Variants in BEGAIN observed in about 807,000 individuals in gnomAD.
The protein encoded by BEGAIN is brain enriched guanylate kinase associated, also known as brain-enriched guanylate kinase-associated protein.
BEGAIN carries 19 observed loss-of-function variants against 35.8 expected under a neutral mutation model. The observed-to-expected ratio is 0.53, with a 90% confidence interval of 0.37 to 0.78. BEGAIN has a LOEUF of 0.78. Ranked by LOEUF, BEGAIN falls within the 30% of genes least tolerant of loss-of-function variation. The pLI is 0.00. For synonymous variants in BEGAIN, 462 were observed against 388.6 expected (o/e 1.19, Z -2.22); for missense variants, 795 against 853.6 (o/e 0.93, Z 0.85).
Position 100,568,890 on chromosome 14 carries a change from G to T in BEGAIN, c.43-951C>A, listed in dbSNP as rs575245517. On this transcript the variant is annotated intron_variant, in intron 1 of 6. Transcript: ENST00000554140. The surrounding 1 kb of genome is among the most constrained non-coding windows in gnomAD (Gnocchi z 7.5). ...ACAGGGGTCCGAGCTCAGGGACCAC[G>T]CGACAGACCTGGGAAGACTGATGAC... The T allele has an allele frequency of 2.0e-6, 2 of 985,162 alleles. No individual in the cohort carries two copies. Among genetic ancestry groups the T allele is most frequent in the African/African-American group, 3.5e-5 (2 of 57,150 alleles). 61.0% of individuals were successfully genotyped at this position (985,162 alleles called of 1,614,324 possible).
In BEGAIN at chr14:100,539,225, C is replaced by T. The variant is rs35286207; in HGVS notation, c.583G>A (p.Asp195Asn). 5.9e-3 allele frequency: 9,307 copies of T among 1,586,650 alleles called. 37 individuals carry two copies. Among genetic ancestry groups the T allele is most frequent in the Non-Finnish European group, 7.0e-3 (8,185 of 1,165,772 alleles). ...PSPLCHPAYA[D>N]SVPTCVIAKV... ...GCAATGACGCAGGTGGGGACGCTGT[C>T]GGCGTAGGCCGGGTGGCAGAGCGGG... The change falls in exon 7 of 7, where the codon GAC becomes AAC. Residue 195 changes from aspartate (D) to asparagine (N), a missense_variant. Asp to Asn is a conservative substitution (Grantham distance 23). Around this residue, in one of 3 missense-constraint regions of BEGAIN, gnomAD observed 664 missense variants for 647.7 expected, o/e 1.03. Coordinates refer to ENST00000554140, the MANE Select transcript of BEGAIN (RefSeq NM_001385089.1).
chr14:100,538,539 C>T lies in BEGAIN; in HGVS notation c.1269G>A (p.Pro423=), dbSNP rs755831125. The T allele has an allele frequency of 5.3e-6, 8 of 1,511,608 alleles. No homozygotes were observed. In the Admixed American group the frequency reaches 7.0e-5, roughly 13 times the overall value. The allele number at this position is 1,511,608 out of a possible 1,614,324, so 93.6% of individuals were successfully genotyped here. The change falls in exon 7 of 7, where the codon CCG becomes CCA. Residue 423 remains proline, a synonymous_variant. Transcript: ENST00000554140. Reference sequence around the variant, plus strand: ...CCTCCCCGGGGAGCCGGGCGGTCCCCGGCTTGGCCCGCAGGCTCCACAGGT... The same window carrying T: ...CCTCCCCGGGGAGCCGGGCGGTCCCTGGCTTGGCCCGCAGGCTCCACAGGT... ...PPNLWSLRAK[P]GTARLPGEDM...
Position 100,568,311 on chromosome 14 carries a change from C to A in BEGAIN, c.43-372G>T. ...CGGCGGCCGCGGCCCCGCTGCTCCC[C>A]CCGCCCCGCCCGTTAACCCTTCCTG... On this transcript the variant is annotated intron_variant, in intron 1 of 6. Coordinates refer to ENST00000554140, the MANE Select transcript of BEGAIN (RefSeq NM_001385089.1). The surrounding 1 kb of genome is among the most constrained non-coding windows in gnomAD (Gnocchi z 7.5). 1.3e-6 allele frequency: 1 copy of A among 753,256 alleles called. No individual in the cohort carries two copies. Among genetic ancestry groups the A allele is most frequent in the Non-Finnish European group, 1.9e-6 (1 of 527,356 alleles). The allele number at this position is 753,256 out of a possible 1,614,324, so 46.7% of individuals were successfully genotyped here. A position where few individuals can be genotyped will look rare whatever the true frequency, so the allele number is the denominator to read the frequency against.
intron 1 of BEGAIN, among the ~76,000 whole-genome samples, chr14:100,582,177 G>A (rs754981831): frequency 4.6e-5 from 7 of 151,894 alleles, no homozygotes; most frequent in East Asian, 1.9e-4. Flanking sequence ...GACAGGTCTC[G>A]CTCTGCTGCC....
chr14:100,554,539 G>A (rs1331702775), intron 2 of BEGAIN, among the ~76,000 whole-genome samples: 2 of 151,988 alleles, frequency 1.3e-5, no homozygotes, highest in African/African-American at 2.4e-5. Context: ...ACTCCTCCCT[G>A]CTGCTCCAGG....
chr14:100,570,551 G>C (rs1302683537), intron 1 of BEGAIN, among the ~76,000 whole-genome samples: 1 of 152,240 alleles, frequency 6.6e-6, no homozygotes, highest in Non-Finnish European at 1.5e-5. Context: ...CACCAGATGG[G>C]ACAGGACTCT....
intron 2 of BEGAIN, among the ~76,000 whole-genome samples, chr14:100,561,987 C>G (rs1751695104): frequency 6.6e-6 from 1 of 152,150 alleles, no homozygotes; most frequent in African/African-American, 2.4e-5. Context: ...TTCCTCACCC[C>G]CTGAGCCCCT....
In BEGAIN at chr14:100,543,926, C is replaced by T. The variant is rs367593872; in HGVS notation, c.340G>A (p.Glu114Lys). The change falls in exon 5 of 7, where the codon GAG (glutamate) becomes AAG (lysine). Residue 114 changes from glutamate to lysine, a missense_variant. Coordinates refer to ENST00000554140, the MANE Select transcript of BEGAIN (RefSeq NM_001385089.1). ...AGATGGCTGTTGAGGGCAACAATCTCGTGGCTCAGCGCACGCTTCTCCTCC... is the reference window on the plus strand; with the variant it reads ...AGATGGCTGTTGAGGGCAACAATCTTGTGGCTCAGCGCACGCTTCTCCTCC... ...YEEEKRALSH[E>K]IVALNSHLLE... 50 of 1,612,996 alleles carry T rather than the reference C, an allele frequency of 3.1e-5. No individual in the cohort carries two copies. Among genetic ancestry groups the T allele is most frequent in the Middle Eastern group, 3.3e-4 (2 of 6,074 alleles).
chr14:100,576,971 A>G (rs564017774), intron 1 of BEGAIN, among the ~76,000 whole-genome samples: 1 of 152,182 alleles, frequency 6.6e-6, no homozygotes, highest in Non-Finnish European at 1.5e-5. Flanking sequence ...TGACAGGCCT[A>G]TGGGACAGTC....
intron 2 of BEGAIN, chr14:100,547,033 G>A: frequency 5.8e-6 from 1 of 172,250 alleles, no homozygotes; most frequent in Non-Finnish European, 1.2e-5. Context: ...GCACCCATCA[G>A]CACCCAGGCT....
rs148796923 is a variant in BEGAIN, at chr14:100,584,390, G to A, written c.42+2859C>T. Among the ~76,000 whole-genome samples, 706 of 152,294 alleles carry A rather than the reference G, an allele frequency of 4.6e-3. 4 individuals carry two copies. The highest frequency in any genetic ancestry group is 0.017 in the African/African-American group (686 of 41,552). On this transcript the variant is annotated intron_variant, in intron 1 of 6. Transcript: ENST00000554140. ...TTTGAGTTCCCTTCCTGGCTAGAGG[G>A]GAGAGAAGAGCCCCAGCAGCTCCTG...
In BEGAIN at chr14:100,538,963, G is replaced by A; in HGVS notation, c.845C>T (p.Thr282Ile). 1 of 1,610,056 alleles carries A rather than the reference G, an allele frequency of 6.2e-7. No individual in the cohort carries two copies. The highest frequency in any genetic ancestry group is 8.5e-7 in the Non-Finnish European group (1 of 1,178,582). ...DVGFLRAQNSTDSAAEEEEEA... is the reference protein window; with the variant it reads ...DVGFLRAQNSIDSAAEEEEEA... ...CTCCTCCTCCTCGGCCGCGCTGTCA[G>A]TGGAGTTCTGGGCCCGCAGGAAGCC... is the stretch of plus-strand genomic sequence containing the variant. Residue 282 changes from threonine (T) to isoleucine (I), a missense_variant, in exon 7 of 7, where the codon ACT (threonine) becomes ATT (isoleucine). Thr to Ile is a moderately conservative substitution (Grantham distance 89). Transcript: ENST00000554140.
In BEGAIN at chr14:100,564,262, G is replaced by C. The variant is rs999043929; in HGVS notation, c.71+3649C>G. 1.8e-4 allele frequency among the ~76,000 whole-genome samples: 27 copies of C among 152,228 alleles called. 1 individual carries two copies. In the South Asian group the frequency reaches 1.9e-3, roughly 11 times the overall value. ...TGTGCGGATATTTATTAATGTCTCT[G>C]CAGGCCTATCACAGTTCACGACTTT... On this transcript the variant is annotated intron_variant, in intron 2 of 6. Coordinates refer to ENST00000554140, the MANE Select transcript of BEGAIN (RefSeq NM_001385089.1).
At chr14:100,542,136 GTCC>G (rs909601437) in intron 5 of BEGAIN, among the ~76,000 whole-genome samples, 5 of 152,150 alleles carry the variant, frequency 3.3e-5, no homozygotes, top group Admixed American at 3.3e-4. Context: ...ATGTCCTCCT[GTCC>G]TCCTGTTAGA....
At chr14:100,545,233 C>T (rs1242342974) in intron 3 of BEGAIN, 167 bp from the exon 4 acceptor site, 2 of 1,448,718 alleles carry the variant, frequency 1.4e-6, no homozygotes, top group Admixed American at 2.6e-5. Context: ...CAGCAGAGAA[C>T]ATCCCATTAA....
At chr14:100,562,264 A>G (rs2034324776) in intron 2 of BEGAIN, among the ~76,000 whole-genome samples, 2 of 152,072 alleles carry the variant, frequency 1.3e-5, no homozygotes, top group African/African-American at 4.8e-5. Context: ...CATCCCCAGG[A>G]CATCTCTTCC....
chr14:100,555,361 C>G (rs2033612729), intron 2 of BEGAIN, among the ~76,000 whole-genome samples: 1 of 152,240 alleles, frequency 6.6e-6, no homozygotes, highest in African/African-American at 2.4e-5. Context: ...CACCCTCGTT[C>G]CTCATGGCTC....
intron 2 of BEGAIN, among the ~76,000 whole-genome samples, chr14:100,564,537 C>T (rs1465465446): frequency 6.6e-6 from 1 of 152,030 alleles, no homozygotes; most frequent in Admixed American, 6.6e-5. Context: ...GAGAGCCAGC[C>T]GGGACTTGGT....
At chr14:100,577,233 G>C (rs1230055507) in intron 1 of BEGAIN, 6 of 398,340 alleles carry the variant, frequency 1.5e-5, no homozygotes, top group Middle Eastern at 6.2e-4. Context: ...TGTGGGGAGG[G>C]AACTCGGAGC....
Sources: gnomAD v4.1 joint callset for allele counts (sites outside exome capture counted in the v4.1 genomes callset) on GRCh38, gnomAD v4.1.1 for gene constraint, gnomAD v4.1.1 regional missense constraint, Gnocchi (gnomAD v3.1) non-coding constraint, MANE v1.5 for transcripts, NCBI Gene and HGNC (gene_info 2026-07-23, HGNC 2026-07-21) for gene names.